CSRNP3: variants seen among roughly 807,000 people sequenced by gnomAD.
The protein encoded by CSRNP3 is cysteine/serine-rich nuclear protein 3.
Under a neutral mutation model 48.0 loss-of-function variants are expected in CSRNP3, and 12 were observed. That is an observed-to-expected ratio of 0.25 (90% CI 0.16 to 0.41). The LOEUF is 0.41. Ranked by LOEUF, CSRNP3 falls within the 10% of genes least tolerant of loss-of-function variation. The probability of loss-of-function intolerance (pLI) is 1.00; values close to 1 mark genes in which losing one functional copy is unlikely to be tolerated. For missense variants in CSRNP3, 580 were observed against 724.4 expected (o/e 0.80, Z 2.29); for synonymous variants, 263 against 269.7 (o/e 0.98, Z 0.24).
chr2:165,613,889 T>C (rs961257001), intron 4 of CSRNP3, among the ~76,000 whole-genome samples: 6 of 152,136 alleles, frequency 3.9e-5, no homozygotes, highest in African/African-American at 1.4e-4. Context: ...CAGGGTCTTT[T>C]GTAGTTCCAT....
intron 4 of CSRNP3, among the ~76,000 whole-genome samples, chr2:165,655,021 T>C (rs1686979282): frequency 6.6e-6 from 1 of 152,212 alleles, no homozygotes; most frequent in South Asian, 2.1e-4. Flanking sequence ...AACAAATCCA[T>C]AACATGATAT....
rs532337569 is a variant in CSRNP3, at chr2:165,678,423, G to T, written c.706-278G>T. Among the ~76,000 whole-genome samples the T allele has an allele frequency of 7.9e-4, 121 of 152,208 alleles. 1 individual carries two copies. In the South Asian group the frequency reaches 8.5e-3, roughly 11 times the overall value. ...GGAAAGTAGGGAATACAGAAAAAAG[G>T]GTAGAAAGCCATGGAGTGGGTCAGT... On this transcript the variant is annotated intron_variant, in intron 6 of 6. Transcript: ENST00000651982.
At chr2:165,672,282 A>T (rs1484052927) in intron 5 of CSRNP3, among the ~76,000 whole-genome samples, 2 of 152,152 alleles carry the variant, frequency 1.3e-5, no homozygotes, top group Non-Finnish European at 2.9e-5. Context: ...GTCTGTTCTC[A>T]TGCTGTTGGC....
chr2:165,555,212 T>C (rs1388134339), intron 3 of CSRNP3, among the ~76,000 whole-genome samples: 1 of 144,626 alleles, frequency 6.9e-6, no homozygotes, highest in Non-Finnish European at 1.5e-5. Context: ...ACTGTATACT[T>C]TAGTTAGTTT....
intron 2 of CSRNP3, among the ~76,000 whole-genome samples, chr2:165,514,909 G>T (rs1267714183): frequency 6.6e-6 from 1 of 152,068 alleles, no homozygotes; most frequent in African/African-American, 2.4e-5. Context: ...CCTTAGTTAG[G>T]GTCAGTTTTA....
intron 3 of CSRNP3, among the ~76,000 whole-genome samples, chr2:165,563,473 C>T (rs1685260297): frequency 6.6e-6 from 1 of 152,160 alleles, no homozygotes; most frequent in Admixed American, 6.5e-5. Context: ...TGTGGCTGCA[C>T]TGGAGTCTCT....
intron 1 of CSRNP3, among the ~76,000 whole-genome samples, chr2:165,472,783 T>C (rs1683911459): frequency 6.6e-6 from 1 of 152,094 alleles, no homozygotes. Flanking sequence ...CTTAGTCTAT[T>C]AGATTCAATG....
chr2:165,601,294 A>G (rs912699274), intron 4 of CSRNP3, among the ~76,000 whole-genome samples: 1 of 152,184 alleles, frequency 6.6e-6, no homozygotes, highest in African/African-American at 2.4e-5. Flanking sequence ...GGCACTTCAC[A>G]TAAGTAATGA....
intron 5 of CSRNP3, among the ~76,000 whole-genome samples, chr2:165,660,570 G>A (rs1201006895): frequency 2.6e-5 from 4 of 152,130 alleles, no homozygotes; most frequent in Non-Finnish European, 2.9e-5. Context: ...TCCGAGACAC[G>A]TGATACATGT....
chr2:165,659,382 A>T (rs1687061834), intron 5 of CSRNP3, among the ~76,000 whole-genome samples: 1 of 152,138 alleles, frequency 6.6e-6, no homozygotes, highest in African/African-American at 2.4e-5. Flanking sequence ...ATGACCCCTA[A>T]ATTTCTGGCT....
chr2:165,614,089 A>G (rs1405180012), intron 4 of CSRNP3, among the ~76,000 whole-genome samples: 1 of 151,962 alleles, frequency 6.6e-6, no homozygotes, highest in Non-Finnish European at 1.5e-5. Flanking sequence ...ACATTTCTTC[A>G]ATGTCTTTTC....
intron 3 of CSRNP3, among the ~76,000 whole-genome samples, chr2:165,573,688 C>T (rs1685405184): frequency 6.6e-6 from 1 of 152,156 alleles, no homozygotes; most frequent in African/African-American, 2.4e-5. Flanking sequence ...CTCTAAGACA[C>T]TTGGGCACAT....
At chr2:165,569,770 T>C (rs962071237) in intron 3 of CSRNP3, among the ~76,000 whole-genome samples, 7 of 152,006 alleles carry the variant, frequency 4.6e-5, no homozygotes, top group South Asian at 4.1e-4. Context: ...ATCTCACTGA[T>C]TCCAGAGTTT....
intron 3 of CSRNP3, among the ~76,000 whole-genome samples, chr2:165,571,794 A>T (rs1271689302): frequency 6.6e-6 from 1 of 152,140 alleles, no homozygotes; most frequent in Non-Finnish European, 1.5e-5. Flanking sequence ...TTAATAAAAA[A>T]GATTCACCTT....
chr2:165,529,832 A>T (rs1046517751), intron 3 of CSRNP3, among the ~76,000 whole-genome samples: 2 of 152,206 alleles, frequency 1.3e-5, no homozygotes, highest in Admixed American at 1.3e-4. Flanking sequence ...GCAAACTCCT[A>T]TTCCTGTCTA....
At chr2:165,501,152 A>G (rs2105465473) in intron 2 of CSRNP3, among the ~76,000 whole-genome samples, 1 of 152,348 alleles carries the variant, frequency 6.6e-6, no homozygotes, top group South Asian at 2.1e-4. Flanking sequence ...TTAATCAGTT[A>G]TAATGAAATG....
intron 4 of CSRNP3, among the ~76,000 whole-genome samples, chr2:165,637,146 G>A (rs1317833588): frequency 6.6e-6 from 1 of 152,194 alleles, no homozygotes; most frequent in East Asian, 1.9e-4. Flanking sequence ...ATTCAACAAG[G>A]CTATAGCCAG....
At chr2:165,510,453 G>A (rs1464559819) in intron 2 of CSRNP3, among the ~76,000 whole-genome samples, 1 of 152,082 alleles carries the variant, frequency 6.6e-6, no homozygotes, top group Non-Finnish European at 1.5e-5. Flanking sequence ...ACCATTGAGA[G>A]CTCTTTCAGG....
At chr2:165,477,472 TATATATATGAA>T (rs1683977449) in intron 1 of CSRNP3, among the ~76,000 whole-genome samples, 2 of 123,550 alleles carry the variant, frequency 1.6e-5, no homozygotes, top group African/African-American at 3.1e-5. Context: ...TACAAATATA[TATATATATGAA>T]ATATATATAT....
Sources: gnomAD v4.1 joint callset for allele counts (sites outside exome capture counted in the v4.1 genomes callset) on GRCh38, gnomAD v4.1.1 for gene constraint, MANE v1.5 for transcripts, NCBI Gene and HGNC (gene_info 2026-07-23, HGNC 2026-07-21) for gene names.